Variants in TEX36 observed in about 807,000 individuals in gnomAD.
TEX36 encodes the protein testis-expressed protein 36.
In TEX36, 12 loss-of-function variants were observed where a neutral mutation model predicts 13.6. That is an observed-to-expected ratio of 0.88 (90% CI 0.56 to 1.43). TEX36 has a LOEUF of 1.43. Among genes scored for constraint, TEX36 ranks in the 40% most tolerant of loss-of-function variants. The probability of loss-of-function intolerance (pLI) is 0.00; values close to 1 mark genes in which losing one functional copy is unlikely to be tolerated. For missense variants in TEX36, 224 were observed against 228.3 expected (o/e 0.98, Z 0.12); for synonymous variants, 93 against 83.0 (o/e 1.12, Z -0.65).
chr10:125,640,453 T>C (rs1846674299), intron 3 of TEX36, among the ~76,000 whole-genome samples: 1 of 152,206 alleles, frequency 6.6e-6, no homozygotes, highest in African/African-American at 2.4e-5. Context: ...ATTTATTCAG[T>C]GAGTCAGGCT....
intron 3 of TEX36, among the ~76,000 whole-genome samples, chr10:125,584,608 A>T (rs796820888): frequency 1.3e-5 from 2 of 152,340 alleles, no homozygotes; most frequent in African/African-American, 2.4e-5. Context: ...AAATGACATC[A>T]TAAGTGTGGG....
chr10:125,671,503 C>A (rs1206173687), intron 1 of TEX36, among the ~76,000 whole-genome samples: 2 of 152,138 alleles, frequency 1.3e-5, no homozygotes, highest in African/African-American at 4.8e-5. Flanking sequence ...GGTGGATAAG[C>A]TTTTTGATGT....
rs916249953 is a variant in TEX36 at position 125,656,461 on chromosome 10, T to C, written c.265-265A>G. Among the ~76,000 whole-genome samples, 6 of 152,050 alleles carry C rather than the reference T, an allele frequency of 3.9e-5. No homozygotes were observed. The East Asian group carries it at 1.2e-3, about 29-fold the overall frequency. ...TTAGTAGAGACAGGGTTTTGCCATG[T>C]TGCCCAGGTTGGTTTTGAACTCCTA... On this transcript the variant is annotated intron_variant, in intron 3 of 3. Coordinates refer to ENST00000368821, the MANE Select transcript of TEX36 (RefSeq NM_001128202.3).
At chr10:125,654,890 C>G (rs1056474202), downstream of TEX36, among the ~76,000 whole-genome samples, 1 of 152,110 alleles carries the variant, frequency 6.6e-6, no homozygotes, top group Non-Finnish European at 1.5e-5. Flanking sequence ...TACTGTCAAC[C>G]AAGCACTAAC....
rs573986757 is a variant in TEX36 at position 125,587,479 on chromosome 10, G to A, written c.265-10605C>T. Among the ~76,000 whole-genome samples the A allele has an allele frequency of 4.6e-4, 70 of 152,316 alleles. 1 individual carries two copies. The South Asian group carries it at 0.014, about 31-fold the overall frequency. On this transcript the variant is annotated intron_variant, in intron 3 of 3. Transcript: ENST00000532135. ...CTCCTGGAAACAATCAATGCTATCAGTTTCTTACCTTAGAGACACTTTATA... is the reference window on the plus strand; with the variant it reads ...CTCCTGGAAACAATCAATGCTATCAATTTCTTACCTTAGAGACACTTTATA...
chr10:125,615,049 G>T (rs1396416416), intron 3 of TEX36, among the ~76,000 whole-genome samples: 1 of 152,168 alleles, frequency 6.6e-6, no homozygotes, highest in Non-Finnish European at 1.5e-5. Flanking sequence ...AAGCAATTGT[G>T]AATGGGAGTT....
chr10:125,664,493 C>G (rs35144637), intron 1 of TEX36, among the ~76,000 whole-genome samples: 2 of 152,140 alleles, frequency 1.3e-5, no homozygotes, highest in Non-Finnish European at 1.5e-5. Context: ...TTAGAATCCC[C>G]AAATGTCAGA....
At chr10:125,581,415 C>A (rs149442436) in intron 3 of TEX36, among the ~76,000 whole-genome samples, 1 of 152,194 alleles carries the variant, frequency 6.6e-6, no homozygotes, top group African/African-American at 2.4e-5. Context: ...CATCCTCCTG[C>A]GTAACTCGCC....
intron 3 of TEX36, among the ~76,000 whole-genome samples, chr10:125,582,658 G>A (rs1239418695): frequency 6.6e-6 from 1 of 152,134 alleles, no homozygotes. Flanking sequence ...TTCATCATTT[G>A]TTCATTCAGA....
chr10:125,612,658 C>G (rs1330951172), intron 3 of TEX36, among the ~76,000 whole-genome samples: 1 of 152,052 alleles, frequency 6.6e-6, no homozygotes, highest in East Asian at 1.9e-4. Flanking sequence ...TGCAGTAGCT[C>G]CCTTAGTAAT....
chr10:125,627,117 C>T (rs1369506259), intron 3 of TEX36, among the ~76,000 whole-genome samples: 4 of 152,212 alleles, frequency 2.6e-5, no homozygotes, highest in Non-Finnish European at 4.4e-5. Flanking sequence ...TTGTATCTCC[C>T]GTAGGAGAAG....
At chr10:125,605,298 G>A in intron 3 of TEX36, among the ~76,000 whole-genome samples, 1 of 150,370 alleles carries the variant, frequency 6.7e-6, no homozygotes, top group South Asian at 2.1e-4. Context: ...ACACAGCATA[G>A]TGCAGCAATG....
chr10:125,600,671 C>A (rs1380441990), intron 3 of TEX36, among the ~76,000 whole-genome samples: 5 of 152,198 alleles, frequency 3.3e-5, no homozygotes, highest in African/African-American at 9.7e-5. Flanking sequence ...AATCACAACC[C>A]TCTATGCAAT....
intron 3 of TEX36, among the ~76,000 whole-genome samples, chr10:125,627,815 G>A (rs546878120): frequency 3.5e-4 from 54 of 152,320 alleles, no homozygotes; most frequent in African/African-American, 1.0e-3. Context: ...AGCTGCAGAC[G>A]CCAGCACAGG....
chr10:125,610,523 C>A (rs1484781621), intron 3 of TEX36, among the ~76,000 whole-genome samples: 1 of 139,500 alleles, frequency 7.2e-6, no homozygotes, highest in Non-Finnish European at 1.5e-5. Flanking sequence ...CTGGCGATGC[C>A]CATGCATATT....
At chr10:125,662,213 G>C (rs1847056476) in intron 1 of TEX36, among the ~76,000 whole-genome samples, 1 of 152,232 alleles carries the variant, frequency 6.6e-6, no homozygotes, top group Non-Finnish European at 1.5e-5. Context: ...TGCTGAGCTG[G>C]AGCCTGGAAA....
At chr10:125,636,953 A>T (rs1189500729) in intron 3 of TEX36, among the ~76,000 whole-genome samples, 1 of 152,054 alleles carries the variant, frequency 6.6e-6, no homozygotes, top group East Asian at 1.9e-4. Context: ...GCCCCAGGTC[A>T]CCTCCATTCC....
chr10:125,652,027 T>C (rs1381881837), downstream of TEX36, among the ~76,000 whole-genome samples: 2 of 152,202 alleles, frequency 1.3e-5, no homozygotes, highest in African/African-American at 2.4e-5. Context: ...TCCATGCTCA[T>C]GGATAGGAAG....
chr10:125,666,291 G>A (rs1430401939), intron 1 of TEX36, among the ~76,000 whole-genome samples: 2 of 152,180 alleles, frequency 1.3e-5, no homozygotes, highest in African/African-American at 4.8e-5. Flanking sequence ...TTGGAGCAAA[G>A]GCGTTCAACT....
Sources: gnomAD v4.1 joint callset for allele counts (sites outside exome capture counted in the v4.1 genomes callset) on GRCh38, gnomAD v4.1.1 for gene constraint, MANE v1.5 for transcripts, NCBI Gene and HGNC (gene_info 2026-07-23, HGNC 2026-07-21) for gene names.